The following GRIP1 variants were observed in gnomAD, a reference collection of about 807,000 sequenced individuals.
GRIP1 encodes glutamate receptor-interacting protein 1.
GRIP1 carries 45 observed loss-of-function variants against 129.9 expected under a neutral mutation model. That is an observed-to-expected ratio of 0.35 (90% CI 0.27 to 0.44). The LOEUF (loss-of-function observed/expected upper bound fraction) is 0.44, where lower values mean the gene tolerates loss of function less well. GRIP1 is among the 20% of genes least tolerant of loss of function. The probability of loss-of-function intolerance (pLI) is 1.00; values close to 1 mark genes in which losing one functional copy is unlikely to be tolerated. For synonymous variants in GRIP1, 530 were observed against 520.8 expected, an observed-to-expected ratio of 1.02 and a Z score of -0.24; for missense variants, 1,196 against 1,396.8, an observed-to-expected ratio of 0.86 and a Z score of 2.29.
At chr12:66,362,037 C>T (rs150512840) in intron 23 of GRIP1, among the ~76,000 whole-genome samples, 2 of 151,968 alleles carry the variant, frequency 1.3e-5, no homozygotes, top group African/African-American at 4.8e-5. Context: ...TAGAAATTGC[C>T]GATGCCTGAT....
intron 24 of GRIP1, 129 bp from the exon 25 acceptor site, chr12:66,349,375 T>C: frequency 1.4e-6 from 1 of 736,634 alleles, no homozygotes; most frequent in Non-Finnish European, 2.5e-6. Context: ...ATGAGGTCTA[T>C]CCTTGTGACT....
chr12:66,427,169 G>A (rs2058014545), intron 14 of GRIP1, among the ~76,000 whole-genome samples: 1 of 152,148 alleles, frequency 6.6e-6, no homozygotes, highest in Non-Finnish European at 1.5e-5. Context: ...CTCACTATCA[G>A]CTTCCCCTCT....
At position 66,423,615 on chromosome 12, in the gene GRIP1, T is replaced by C. The variant is rs1409353379; in HGVS notation, c.1769-2826A>G. Among the ~76,000 whole-genome samples the C allele has an allele frequency of 2.0e-5, 3 of 152,174 alleles. No individual in the cohort carries two copies. The East Asian group carries it at 5.8e-4, about 29-fold the overall frequency. ...GTACATAGTTTTTGAACACCAACTA[T>C]GAGACAAGCGCCTCTGCTCTGGGCA... On this transcript the variant is annotated intron_variant, in intron 14 of 24. Coordinates refer to ENST00000359742, the MANE Select transcript of GRIP1 (RefSeq NM_001366722.1).
At chr12:66,566,259 A>G (rs554552621) in intron 2 of GRIP1, among the ~76,000 whole-genome samples, 146 of 152,228 alleles carry the variant, frequency 9.6e-4, no homozygotes, top group African/African-American at 3.4e-3. Context: ...CTGTGGGTTT[A>G]TCATAAATAG....
intron 1 of GRIP1, among the ~76,000 whole-genome samples, chr12:66,661,472 A>G (rs2033498365): frequency 1.3e-5 from 1 of 75,284 alleles, no homozygotes; most frequent in Non-Finnish European, 2.6e-5. Context: ...AAAAAAAAAA[A>G]AGGTGGAGGG....
At chr12:66,957,058 T>A (rs1449905532) in intron 1 of GRIP1, among the ~76,000 whole-genome samples, 2 of 152,080 alleles carry the variant, frequency 1.3e-5, no homozygotes, top group Non-Finnish European at 2.9e-5. Context: ...ATGTTGAAAC[T>A]CTAATCTGCA....
At chr12:66,453,150 A>G (rs562586945) in intron 11 of GRIP1, among the ~76,000 whole-genome samples, 1 of 152,218 alleles carries the variant, frequency 6.6e-6, no homozygotes, top group African/African-American at 2.4e-5. Context: ...CATATCAGTG[A>G]CAGCGCTGCC....
intron 1 of GRIP1, among the ~76,000 whole-genome samples, chr12:66,788,711 T>C (rs957765140): frequency 1.3e-5 from 2 of 152,062 alleles, no homozygotes; most frequent in South Asian, 2.1e-4. Context: ...CTCCATACAA[T>C]AGCCATCTAG....
intron 23 of GRIP1, among the ~76,000 whole-genome samples, chr12:66,356,436 AG>A (rs1379296791): frequency 6.6e-6 from 1 of 152,212 alleles, no homozygotes; most frequent in African/African-American, 2.4e-5. Flanking sequence ...CTCATTGCAG[AG>A]AGGAATATTT....
At chr12:66,937,505 CACA>C (rs1180844265) in intron 1 of GRIP1, among the ~76,000 whole-genome samples, 1 of 152,046 alleles carries the variant, frequency 6.6e-6, no homozygotes, top group Non-Finnish European at 1.5e-5. Context: ...ATCTGGTAGG[CACA>C]ACAATTTAAT....
intron 1 of GRIP1, among the ~76,000 whole-genome samples, chr12:66,737,148 C>T (rs1184659331): frequency 6.6e-6 from 1 of 152,150 alleles, no homozygotes; most frequent in East Asian, 1.9e-4. Flanking sequence ...GTTACTATGT[C>T]ATTCCCCTCA....
At chr12:66,462,870 G>A in intron 9 of GRIP1, 54 bp downstream of exon 9, 1 of 1,396,248 alleles carries the variant, frequency 7.2e-7, no homozygotes, top group East Asian at 2.3e-5. Flanking sequence ...TCTGCTAGAG[G>A]GAGCAACACT....
At chr12:66,902,672 T>C (rs1047055831) in intron 1 of GRIP1, among the ~76,000 whole-genome samples, 3 of 152,208 alleles carry the variant, frequency 2.0e-5, no homozygotes, top group Non-Finnish European at 4.4e-5. Flanking sequence ...GAATTTTTCA[T>C]ACCAATGACT....
chr12:66,860,154 A>G (rs1487751281), intron 1 of GRIP1, among the ~76,000 whole-genome samples: 1 of 152,092 alleles, frequency 6.6e-6, no homozygotes, highest in African/African-American at 2.4e-5. Context: ...AGCAGGGGCT[A>G]TAAGGATAGA....
intron 1 of GRIP1, among the ~76,000 whole-genome samples, chr12:66,898,698 C>T (rs1053161725): frequency 1.3e-5 from 2 of 152,096 alleles, no homozygotes; most frequent in Admixed American, 6.6e-5. Context: ...TTAGGATATT[C>T]GTTAGCAATT....
chr12:66,667,749 C>T (rs1689648532), intron 1 of GRIP1, among the ~76,000 whole-genome samples: 2 of 152,102 alleles, frequency 1.3e-5, no homozygotes, highest in Non-Finnish European at 2.9e-5. Flanking sequence ...AAGAGACTGG[C>T]TTTCTAATTT....
intron 7 of GRIP1, among the ~76,000 whole-genome samples, chr12:66,484,272 C>T (rs1390449208): frequency 6.6e-6 from 1 of 152,188 alleles, no homozygotes; most frequent in African/African-American, 2.4e-5. Context: ...TTGTAAGAGT[C>T]ATGCATATTG....
chr12:67,053,134 T>C (rs775409808), intron 1 of GRIP1, among the ~76,000 whole-genome samples: 9 of 152,260 alleles, frequency 5.9e-5, no homozygotes, highest in East Asian at 1.9e-4. Flanking sequence ...TTAGGTTAAA[T>C]AGTCTGCAGG....
intron 1 of GRIP1, among the ~76,000 whole-genome samples, chr12:67,067,554 G>A (rs554528223): frequency 1.8e-4 from 27 of 152,234 alleles, no homozygotes; most frequent in African/African-American, 5.5e-4. Context: ...CCTTTTGAAT[G>A]GGTAGACGTA....
Sources: gnomAD v4.1 joint callset for allele counts (sites outside exome capture counted in the v4.1 genomes callset) on GRCh38, gnomAD v4.1.1 for gene constraint, MANE v1.5 for transcripts, NCBI Gene and HGNC (gene_info 2026-07-23, HGNC 2026-07-21) for gene names.